The following TSHZ3 variants were observed in gnomAD, a reference collection of about 807,000 sequenced individuals.
TSHZ3 encodes teashirt homolog 3.
Under a neutral mutation model 64.5 loss-of-function variants are expected in TSHZ3, and 10 were observed. That is an observed-to-expected ratio of 0.16 (90% CI 0.10 to 0.26). The LOEUF (loss-of-function observed/expected upper bound fraction) is 0.26. Among genes scored for constraint, TSHZ3 ranks in the 10% least tolerant of loss-of-function variants. The pLI, the probability that TSHZ3 is intolerant of heterozygous loss-of-function variation, is 1.00. For synonymous variants in TSHZ3, 608 were observed against 593.1 expected, an observed-to-expected ratio of 1.03 and a Z score of -0.36; for missense variants, 1,242 against 1,421.7, an observed-to-expected ratio of 0.87 and a Z score of 2.03.
chr19:31,232,655 A>T (rs1419242762), intron 3 of TSHZ3, among the ~76,000 whole-genome samples: 1 of 152,252 alleles, frequency 6.6e-6, no homozygotes, highest in East Asian at 1.9e-4. Context: ...TGAGCAAGAC[A>T]TAGAATGTTT....
chr19:31,188,461 A>G (rs1974847458), intron 5 of TSHZ3, among the ~76,000 whole-genome samples: 1 of 151,976 alleles, frequency 6.6e-6, no homozygotes, highest in Non-Finnish European at 1.5e-5. Flanking sequence ...ATATTAGGGG[A>G]ACTCTATCAG....
At chr19:31,343,133 G>A (rs1874491) in intron 1 of TSHZ3, among the ~76,000 whole-genome samples, 17,604 of 152,088 alleles carry the variant, frequency 0.12, 1,109 homozygotes, top group Middle Eastern at 0.3. Flanking sequence ...CCTCCCTCCC[G>A]ACAACAATCT....
chr19:31,342,464 T>C (rs1394218630), intron 1 of TSHZ3, among the ~76,000 whole-genome samples: 4 of 152,234 alleles, frequency 2.6e-5, no homozygotes, highest in Non-Finnish European at 5.9e-5. Context: ...TGTTAATACA[T>C]AAAGGAGAAA....
chr19:31,224,076 G>T (rs1027651079), intron 4 of TSHZ3, among the ~76,000 whole-genome samples: 1 of 152,246 alleles, frequency 6.6e-6, no homozygotes, highest in Non-Finnish European at 1.5e-5. Context: ...CACAGGCATG[G>T]AATCCGGTAG....
At chr19:31,329,249 G>A (rs1459911910) in intron 1 of TSHZ3, among the ~76,000 whole-genome samples, 1 of 152,126 alleles carries the variant, frequency 6.6e-6, no homozygotes, top group Non-Finnish European at 1.5e-5. Flanking sequence ...ATTACTTCTT[G>A]GCTTGGTCAC....
At chr19:31,281,248 C>T (rs781209172) in intron 1 of TSHZ3, among the ~76,000 whole-genome samples, 1 of 152,064 alleles carries the variant, frequency 6.6e-6, no homozygotes, top group Non-Finnish European at 1.5e-5. Context: ...AACAAACAAA[C>T]AAACAAAAAC....
intron 1 of TSHZ3, 58 bp downstream of exon 1, chr19:31,349,122 G>A: frequency 1.3e-6 from 2 of 1,498,106 alleles, no homozygotes; most frequent in Non-Finnish European, 9.0e-7. Flanking sequence ...CGCTGGAGGC[G>A]CGGGGCGAGC....
Position 31,275,429 on chromosome 19 carries a change from C to A in TSHZ3, c.*1118G>T, listed in dbSNP as rs1012706157. Reference sequence around the variant, plus strand: ...ATGTTTAGGAAATACAGTACAAGTTCTTTTTTTTTTTTTGTTCTTTTTTTT... The same window carrying A: ...ATGTTTAGGAAATACAGTACAAGTTATTTTTTTTTTTTTGTTCTTTTTTTT... On this transcript the variant is annotated 3_prime_UTR_variant, in exon 2 of 2. Transcript: ENST00000240587. 6.9e-6 allele frequency: 1 copy of A among 144,240 alleles called. No homozygotes were observed. Among genetic ancestry groups the A allele is most frequent in the Non-Finnish European group, 1.5e-5 (1 of 65,660 alleles). 8.9% of individuals were successfully genotyped at this position (144,240 alleles called of 1,614,324 possible).
At chr19:31,274,304 A>G (rs1976187831), downstream of TSHZ3, among the ~76,000 whole-genome samples, 1 of 152,126 alleles carries the variant, frequency 6.6e-6, no homozygotes, top group Non-Finnish European at 1.5e-5. Flanking sequence ...TTTTGTTGGC[A>G]TGATTTGCCG....
At chr19:31,338,580 T>A (rs1056580185) in intron 1 of TSHZ3, among the ~76,000 whole-genome samples, 2 of 135,490 alleles carry the variant, frequency 1.5e-5, no homozygotes, top group Non-Finnish European at 3.3e-5. Flanking sequence ...CTTTTTTTTT[T>A]CTTTTTTTTT....
intron 1 of TSHZ3, among the ~76,000 whole-genome samples, chr19:31,301,128 TG>T (rs1171570062): frequency 5.3e-5 from 8 of 152,030 alleles, no homozygotes; most frequent in Admixed American, 4.6e-4. Context: ...ATAGGAGTGA[TG>T]GTGAGACAGG....
intron 4 of TSHZ3, among the ~76,000 whole-genome samples, chr19:31,225,605 C>A (rs958077711): frequency 6.6e-6 from 1 of 152,166 alleles, no homozygotes; most frequent in Non-Finnish European, 1.5e-5. Flanking sequence ...GGCCCATCTG[C>A]ACCTCCCCAT....
chr19:31,317,771 C>T (rs1916646158), intron 1 of TSHZ3, among the ~76,000 whole-genome samples: 1 of 152,192 alleles, frequency 6.6e-6, no homozygotes, highest in Non-Finnish European at 1.5e-5. Context: ...AAATCTGACC[C>T]GGACATCCGG....
At chr19:31,267,911 C>G (rs10518274) in intron 1 of TSHZ3, among the ~76,000 whole-genome samples, 30,299 of 152,046 alleles carry the variant, frequency 0.2, 3,273 homozygotes, top group Middle Eastern at 0.46. Context: ...ACACCTTTGA[C>G]AAGTGCAGTA....
chr19:31,345,753 TA>T (rs1917573115), intron 1 of TSHZ3, among the ~76,000 whole-genome samples: 1 of 152,190 alleles, frequency 6.6e-6, no homozygotes, highest in African/African-American at 2.4e-5. Context: ...TCCAGAAAAT[TA>T]ATATAAGTAA....
At chr19:31,292,155 C>G (rs1346181597) in intron 1 of TSHZ3, among the ~76,000 whole-genome samples, 1 of 152,090 alleles carries the variant, frequency 6.6e-6, no homozygotes, top group Non-Finnish European at 1.5e-5. Flanking sequence ...TATATTGGAT[C>G]CAATAAATTA....
chr19:31,286,256 C>G (rs180833970), intron 1 of TSHZ3, among the ~76,000 whole-genome samples: 4 of 152,314 alleles, frequency 2.6e-5, no homozygotes, highest in Admixed American at 1.3e-4. Context: ...TTGGCATGCA[C>G]AGAACCAAAT....
intron 5 of TSHZ3, among the ~76,000 whole-genome samples, chr19:31,160,291 G>A (rs535109633): frequency 6.6e-6 from 1 of 152,310 alleles, no homozygotes; most frequent in South Asian, 2.1e-4. Context: ...ACATCAGTTT[G>A]CACTGTAAGA....
At chr19:31,324,481 A>G (rs986925442) in intron 1 of TSHZ3, among the ~76,000 whole-genome samples, 1 of 152,268 alleles carries the variant, frequency 6.6e-6, no homozygotes, top group African/African-American at 2.4e-5. Flanking sequence ...ACAAGTTTCC[A>G]ACACTGCAGC....
Sources: allele counts gnomAD v4.1 joint callset (sites outside exome capture counted in the v4.1 genomes callset), GRCh38; gene constraint gnomAD v4.1.1; transcripts MANE v1.5; gene names NCBI Gene and HGNC (gene_info 2026-07-23, HGNC 2026-07-21).